Variants in KCNQ5 observed in about 807,000 individuals in gnomAD.
KCNQ5 encodes potassium voltage-gated channel subfamily Q member 5.
In KCNQ5, 30 loss-of-function variants were observed where a neutral mutation model predicts 98.2. The ratio of observed to expected loss-of-function variants is 0.31; its 90% CI spans 0.23 to 0.41. KCNQ5 has a LOEUF of 0.41. Ranked by LOEUF, KCNQ5 falls within the 10% of genes least tolerant of loss-of-function variation. KCNQ5 has a pLI of 1.00. For synonymous variants in KCNQ5, 458 were observed against 449.4 expected, an observed-to-expected ratio of 1.02 and a Z score of -0.24; for missense variants, 835 against 1,182.5, an observed-to-expected ratio of 0.71 and a Z score of 4.31.
At chr6:73,147,552 G>T (rs1032641867) in intron 10 of KCNQ5, among the ~76,000 whole-genome samples, 1 of 152,068 alleles carries the variant, frequency 6.6e-6, no homozygotes, top group South Asian at 2.1e-4. Flanking sequence ...CTTTATTAAA[G>T]ATAAAGGCAG....
At chr6:72,758,110 C>G (rs952688801) in intron 1 of KCNQ5, among the ~76,000 whole-genome samples, 2 of 151,880 alleles carry the variant, frequency 1.3e-5, no homozygotes, top group Non-Finnish European at 2.9e-5. Flanking sequence ...AAGGGGAACA[C>G]TGAAGATGGA....
chr6:72,699,141 A>G (rs925675726), intron 1 of KCNQ5, among the ~76,000 whole-genome samples: 3 of 152,196 alleles, frequency 2.0e-5, no homozygotes, highest in Non-Finnish European at 2.9e-5. Flanking sequence ...TAAGGGTAAG[A>G]TGGTACATGA....
Position 73,195,311 on chromosome 6 carries a change from C to T in KCNQ5, c.2696C>T (p.Ala899Val), listed in dbSNP as rs769830015. ...CAGCCTGCCAGGGAAGCTGCCTTTG[C>T]ATCAGACTCTCTAAGGACTGGAAGG... ...APQPAREAAF[A>V]SDSLRTGRSR... Residue 899 changes from alanine to valine, a missense_variant, in exon 14 of 14, where the codon GCA becomes GTA. Around this residue, in one of 10 missense-constraint regions of KCNQ5, gnomAD observed 416 missense variants for 446.9 expected, o/e 0.93. Coordinates refer to ENST00000370398, the MANE Select transcript of KCNQ5 (RefSeq NM_019842.4). 8.7e-6 allele frequency: 14 copies of T among 1,614,076 alleles called. No individual in the cohort carries two copies. Among genetic ancestry groups the T allele is most frequent in the Admixed American group, 3.3e-5 (2 of 60,000 alleles).
intron 1 of KCNQ5, among the ~76,000 whole-genome samples, chr6:72,746,064 C>CAAAAAAAAAAAAAAAAAAAAAA (rs59726566): frequency 6.2e-5 from 5 of 80,150 alleles, no homozygotes; most frequent in African/African-American, 1.4e-4. Context: ...ACTCTATTTG[C>CAAAAAAAAAAAAAAAAAAAAAA]AAAAAAAAAA....
chr6:72,853,503 C>T (rs1446502107), intron 1 of KCNQ5, among the ~76,000 whole-genome samples: 1 of 152,000 alleles, frequency 6.6e-6, no homozygotes, highest in East Asian at 1.9e-4. Context: ...GCCACTACGC[C>T]TGGCTAATTT....
At chr6:73,119,742 T>A (rs1775666363) in intron 7 of KCNQ5, among the ~76,000 whole-genome samples, 1 of 152,220 alleles carries the variant, frequency 6.6e-6, no homozygotes, top group Non-Finnish European at 1.5e-5. Context: ...TGCTTCTCCC[T>A]TATCAAATAT....
intron 1 of KCNQ5, among the ~76,000 whole-genome samples, chr6:72,647,175 T>G (rs994273922): frequency 6.6e-6 from 1 of 152,218 alleles, no homozygotes; most frequent in Admixed American, 6.5e-5. Flanking sequence ...AAGCTGAAAA[T>G]GTTTACTATC....
At chr6:73,109,712 A>G (rs1458502628) in intron 6 of KCNQ5, among the ~76,000 whole-genome samples, 1 of 152,330 alleles carries the variant, frequency 6.6e-6, no homozygotes. Flanking sequence ...TAGTTTGTAC[A>G]ATCACAACCT....
chr6:72,841,250 A>G (rs1380431474), intron 1 of KCNQ5, among the ~76,000 whole-genome samples: 2 of 152,072 alleles, frequency 1.3e-5, no homozygotes, highest in Non-Finnish European at 2.9e-5. Context: ...TTGACTATGA[A>G]CCCTTAATGG....
At chr6:72,953,869 G>A (rs1487193781) in intron 1 of KCNQ5, among the ~76,000 whole-genome samples, 1 of 152,138 alleles carries the variant, frequency 6.6e-6, no homozygotes, top group Non-Finnish European at 1.5e-5. Context: ...AGAAAATGAA[G>A]TGACTGGAGG....
chr6:72,639,293 A>C (rs2098925905), intron 1 of KCNQ5, among the ~76,000 whole-genome samples: 1 of 152,224 alleles, frequency 6.6e-6, no homozygotes, highest in African/African-American at 2.4e-5. Context: ...AAAGTATTAC[A>C]AAGAAAAGAA....
intron 1 of KCNQ5, among the ~76,000 whole-genome samples, chr6:72,790,304 A>T (rs1394451762): frequency 6.6e-6 from 1 of 152,198 alleles, no homozygotes; most frequent in East Asian, 1.9e-4. Context: ...ATCCAACATC[A>T]CTTGAGCTAG....
intron 1 of KCNQ5, among the ~76,000 whole-genome samples, chr6:72,954,995 A>C (rs1216973129): frequency 6.6e-6 from 1 of 152,202 alleles, no homozygotes; most frequent in Non-Finnish European, 1.5e-5. Context: ...GCTTATGGAA[A>C]AGGTCTCCCT....
rs1039635436 is a variant in KCNQ5 at position 73,198,120 on chromosome 6, A to G, written c.*2706A>G. On this transcript the variant is annotated 3_prime_UTR_variant, in exon 14 of 14. Coordinates refer to ENST00000370398, the MANE Select transcript of KCNQ5 (RefSeq NM_019842.4). ...ACACTAAGCAAATTTCCATTGGTCA[A>G]TTTTAATGATGTCTTGAAGCACAAT... 6 of 152,226 alleles carry G rather than the reference A, an allele frequency of 3.9e-5. No homozygotes were observed. The highest frequency in any genetic ancestry group is 9.6e-5 in the African/African-American group (4 of 41,458). 9.4% of individuals were successfully genotyped at this position (152,226 alleles called of 1,614,324 possible).
intron 1 of KCNQ5, among the ~76,000 whole-genome samples, chr6:72,632,874 G>A (rs1472108410): frequency 6.6e-6 from 1 of 151,908 alleles, no homozygotes; most frequent in African/African-American, 2.4e-5. Context: ...GCTATTGTGA[G>A]TAGCATGGCA....
At chr6:72,751,800 T>C (rs1771699129) in intron 1 of KCNQ5, among the ~76,000 whole-genome samples, 1 of 152,118 alleles carries the variant, frequency 6.6e-6, no homozygotes, top group South Asian at 2.1e-4. Context: ...TTACCTACCT[T>C]TATTCATTCA....
Position 73,077,902 on chromosome 6 carries a change from A to G in KCNQ5, c.918+15A>G, listed in dbSNP as rs528599375. ...GGTGGGGCACAGTAAGTATAAAAAT[A>G]CATTTTTTATTTATTGGATGTTGTG... On this transcript the variant is annotated intron_variant, in intron 5 of 13. Transcript: ENST00000370398. The G allele has an allele frequency of 3.8e-5, 59 of 1,570,126 alleles. No homozygotes were observed. The highest frequency in any genetic ancestry group is 1.7e-4 in the Middle Eastern group (1 of 5,846).
chr6:72,966,953 G>C (rs1279971680), intron 1 of KCNQ5, among the ~76,000 whole-genome samples: 8 of 152,164 alleles, frequency 5.3e-5, no homozygotes, highest in South Asian at 4.1e-4. Flanking sequence ...TGTGGACTGA[G>C]TTTTTAAAAT....
intron 2 of KCNQ5, among the ~76,000 whole-genome samples, chr6:73,016,169 T>C (rs1051569883): frequency 6.6e-6 from 1 of 152,092 alleles, no homozygotes; most frequent in African/African-American, 2.4e-5. Context: ...AAAGTTTAGA[T>C]AGTATGTTTA....
Sources: allele counts gnomAD v4.1 joint callset (sites outside exome capture counted in the v4.1 genomes callset), GRCh38; gene constraint gnomAD v4.1.1; regional missense constraint gnomAD v4.1.1; transcripts MANE v1.5; gene names NCBI Gene and HGNC (gene_info 2026-07-23, HGNC 2026-07-21).